The following EYS variants were observed in gnomAD, a reference collection of about 807,000 sequenced individuals.
The protein encoded by EYS is EGF-like photoreceptor maintenance factor.
A neutral mutation model predicts 282.1 loss-of-function variants in EYS; 250 were observed. That is an observed-to-expected ratio of 0.89 (90% CI 0.80 to 0.98). The LOEUF is 0.98. Ranked by LOEUF, EYS falls within the 50% of genes least tolerant of loss-of-function variation. The pLI, the probability that EYS is intolerant of heterozygous loss-of-function variation, is 0.00. For missense variants in EYS, 4,016 were observed against 3,709.0 expected (o/e 1.08, Z -2.15); for synonymous variants, 1,355 against 1,282.9 (o/e 1.06, Z -1.20).
Position 64,607,009 on chromosome 6 carries a change from A to C in EYS, c.3684+10409T>G, listed in dbSNP as rs557231522. Among the ~76,000 whole-genome samples the C allele has an allele frequency of 2.0e-5, 3 of 151,946 alleles. No individual in the cohort carries two copies. In the East Asian group the frequency reaches 5.8e-4, roughly 30 times the overall value. On this transcript the variant is annotated intron_variant, in intron 24 of 42. Transcript: ENST00000503581. ...TCTTAGTTTCATTTATTTTTAATTAAGGGGGGAAAAGCTTAAAGCAGGTGG... is the reference window on the plus strand; with the variant it reads ...TCTTAGTTTCATTTATTTTTAATTACGGGGGGAAAAGCTTAAAGCAGGTGG...
chr6:64,268,671 T>C (rs1767843382), intron 30 of EYS, among the ~76,000 whole-genome samples: 1 of 152,118 alleles, frequency 6.6e-6, no homozygotes, highest in East Asian at 1.9e-4. Flanking sequence ...TGCTGATAGA[T>C]AGAATTTTGG....
At chr6:65,091,855 T>C (rs1366949234) in intron 12 of EYS, among the ~76,000 whole-genome samples, 2 of 152,006 alleles carry the variant, frequency 1.3e-5, no homozygotes, top group Non-Finnish European at 1.5e-5. Flanking sequence ...CACTGTTGTC[T>C]GTGAAAAATA....
At chr6:64,658,819 G>C (rs1768868394) in intron 22 of EYS, among the ~76,000 whole-genome samples, 1 of 152,142 alleles carries the variant, frequency 6.6e-6, no homozygotes, top group Non-Finnish European at 1.5e-5. Context: ...GTCAATATTA[G>C]ACAGATCAAC....
chr6:64,870,551 A>G (rs368086029), intron 19 of EYS, among the ~76,000 whole-genome samples: 60 of 151,814 alleles, frequency 4.0e-4, no homozygotes, highest in African/African-American at 1.4e-3. Flanking sequence ...GGAAACAGGA[A>G]AAGATGGCCC....
chr6:63,844,845 C>A (rs1422697657), intron 36 of EYS, among the ~76,000 whole-genome samples: 1 of 152,138 alleles, frequency 6.6e-6, no homozygotes. Flanking sequence ...TTCTGCTGTG[C>A]AGAAGCTGTT....
At chr6:63,786,696 T>TAA (rs570420411) in intron 39 of EYS, among the ~76,000 whole-genome samples, 3 of 144,770 alleles carry the variant, frequency 2.1e-5, no homozygotes, top group Admixed American at 6.9e-5. Flanking sequence ...AACTTAAAGT[T>TAA]AAAAAAAAAA....
intron 13 of EYS, among the ~76,000 whole-genome samples, chr6:65,008,461 G>C (rs989344014): frequency 7.2e-6 from 1 of 138,008 alleles, no homozygotes; most frequent in Non-Finnish European, 1.5e-5. Context: ...GGACAAATGG[G>C]ATAAAAAAAA....
chr6:65,121,503 T>C (rs192724878), intron 12 of EYS, among the ~76,000 whole-genome samples: 1 of 148,588 alleles, frequency 6.7e-6, no homozygotes, highest in Admixed American at 6.8e-5. Flanking sequence ...TTCATGAGTG[T>C]CTTATTGGAA....
intron 29 of EYS, among the ~76,000 whole-genome samples, chr6:64,315,056 G>T (rs1162270962): frequency 6.6e-6 from 1 of 151,530 alleles, no homozygotes; most frequent in Non-Finnish European, 1.5e-5. Context: ...AAAGAGAGAA[G>T]AATCAAATAG....
At chr6:64,502,187 T>C (rs554522651) in intron 26 of EYS, among the ~76,000 whole-genome samples, 1 of 152,186 alleles carries the variant, frequency 6.6e-6, no homozygotes, top group East Asian at 1.9e-4. Flanking sequence ...AGACTAAAGG[T>C]TTAAAAGAAA....
At chr6:64,804,997 GT>G (rs1226435000) in intron 22 of EYS, among the ~76,000 whole-genome samples, 2 of 151,774 alleles carry the variant, frequency 1.3e-5, no homozygotes, top group South Asian at 4.2e-4. Flanking sequence ...TTTGTACATA[GT>G]AGTTTTCCAA....
At chr6:64,705,381 T>C (rs1032005018) in intron 22 of EYS, among the ~76,000 whole-genome samples, 1 of 151,990 alleles carries the variant, frequency 6.6e-6, no homozygotes, top group African/African-American at 2.4e-5. Context: ...AGAATCAATA[T>C]TGTGAAAATG....
chr6:65,430,806 G>A (rs532315468), intron 5 of EYS, among the ~76,000 whole-genome samples: 1 of 152,264 alleles, frequency 6.6e-6, no homozygotes, highest in African/African-American at 2.4e-5. Context: ...TGACTTGCAG[G>A]AAAGGATCCA....
chr6:65,211,165 A>C (rs1766167956), intron 12 of EYS, among the ~76,000 whole-genome samples: 1 of 152,088 alleles, frequency 6.6e-6, no homozygotes, highest in Non-Finnish European at 1.5e-5. Flanking sequence ...GGAGAATAGG[A>C]GAAGTATTGG....
intron 24 of EYS, among the ~76,000 whole-genome samples, chr6:64,604,865 C>A (rs757736415): frequency 6.6e-6 from 1 of 151,848 alleles, no homozygotes; most frequent in African/African-American, 2.4e-5. Context: ...GAGACAGATG[C>A]GCAGGCAACA....
At chr6:64,534,717 T>G (rs2149795375) in intron 26 of EYS, among the ~76,000 whole-genome samples, 1 of 152,322 alleles carries the variant, frequency 6.6e-6, no homozygotes, top group Non-Finnish European at 1.5e-5. Flanking sequence ...TGCAACTTTG[T>G]TAGCCCTAAT....
chr6:64,436,096 G>T, intron 28 of EYS, 78 bp downstream of exon 28: 1 of 806,682 alleles, frequency 1.2e-6, no homozygotes, highest in Non-Finnish European at 1.9e-6. Flanking sequence ...CCTCAATTTT[G>T]AAATGACAAG....
intron 14 of EYS, among the ~76,000 whole-genome samples, chr6:64,997,325 G>C (rs983125754): frequency 6.6e-6 from 1 of 152,068 alleles, no homozygotes; most frequent in African/African-American, 2.4e-5. Flanking sequence ...ATTGCCACAA[G>C]TTGTGAATCC....
intron 22 of EYS, among the ~76,000 whole-genome samples, chr6:64,735,112 C>T (rs1453543061): frequency 6.6e-6 from 1 of 152,038 alleles, no homozygotes; most frequent in Non-Finnish European, 1.5e-5. Context: ...GAGACCCAGT[C>T]ATGCTCTGTC....
Sources: allele counts gnomAD v4.1 joint callset (sites outside exome capture counted in the v4.1 genomes callset), GRCh38; gene constraint gnomAD v4.1.1; transcripts MANE v1.5; gene names NCBI Gene and HGNC (gene_info 2026-07-23, HGNC 2026-07-21).